Variants in TMTC1 observed in about 807,000 individuals in gnomAD.
TMTC1 encodes the protein transmembrane O-mannosyltransferase targeting cadherins 1, also known as protein O-mannosyl-transferase TMTC1.
Under a neutral mutation model 104.8 loss-of-function variants are expected in TMTC1, and 73 were observed. That is an observed-to-expected ratio of 0.70 (90% CI 0.58 to 0.85). The LOEUF (loss-of-function observed/expected upper bound fraction) is 0.85, where lower values mean the gene tolerates loss of function less well. Ranked by LOEUF, TMTC1 falls within the 40% of genes least tolerant of loss-of-function variation. The pLI, the probability that TMTC1 is intolerant of heterozygous loss-of-function variation, is 0.00. For synonymous variants in TMTC1, 434 were observed against 428.7 expected (o/e 1.01, Z -0.15); for missense variants, 1,035 against 1,096.1 (o/e 0.94, Z 0.79).
chr12:29,599,901 C>T (rs115991562), intron 7 of TMTC1, among the ~76,000 whole-genome samples: 4,268 of 138,382 alleles, frequency 0.031, 372 homozygotes, highest in African/African-American at 0.12. Context: ...TGTATATATA[C>T]ATGTGTATAT....
chr12:29,701,063 C>G (rs1341855294), intron 5 of TMTC1, among the ~76,000 whole-genome samples: 1 of 150,908 alleles, frequency 6.6e-6, no homozygotes, highest in African/African-American at 2.5e-5. Flanking sequence ...TCCCTCTGTC[C>G]TCTCACTGCT....
chr12:29,683,260 G>C (rs1174470485), intron 5 of TMTC1, among the ~76,000 whole-genome samples: 1 of 152,122 alleles, frequency 6.6e-6, no homozygotes. Flanking sequence ...ATTCAATCAC[G>C]AGGTCAAGAG....
At chr12:29,556,771 G>A (rs1185861316) in intron 10 of TMTC1, 86 bp downstream of exon 10, 13 of 1,555,936 alleles carry the variant, frequency 8.4e-6, no homozygotes, top group Admixed American at 1.7e-5. Flanking sequence ...AGAGAGGCAA[G>A]TGCAGCACAA....
chr12:29,750,062 T>TATACAC (rs1555195892), intron 5 of TMTC1, among the ~76,000 whole-genome samples: 1 of 146,536 alleles, frequency 6.8e-6, no homozygotes, highest in Non-Finnish European at 1.5e-5. Flanking sequence ...TAACTGTCTA[T>TATACAC]ACACACACAC....
intron 5 of TMTC1, chr12:29,660,836 A>C (rs1378914051): frequency 6.7e-7 from 1 of 1,496,564 alleles, no homozygotes; most frequent in Middle Eastern, 1.9e-4. Context: ...CTTTTTAAAA[A>C]TGGTCTCATG....
intron 5 of TMTC1, among the ~76,000 whole-genome samples, chr12:29,723,796 G>A (rs114404208): frequency 0.021 from 3,135 of 152,158 alleles, 117 homozygotes; most frequent in African/African-American, 0.069. Flanking sequence ...GACAGTTTTG[G>A]CCCTGTAGAT....
intron 5 of TMTC1, among the ~76,000 whole-genome samples, chr12:29,708,256 G>A (rs1184801196): frequency 6.6e-6 from 1 of 152,208 alleles, no homozygotes; most frequent in Non-Finnish European, 1.5e-5. Flanking sequence ...CTCTGGTACT[G>A]TGCCTGGCAC....
At chr12:29,641,697 CA>C (rs886296708) in intron 5 of TMTC1, among the ~76,000 whole-genome samples, 42 of 152,174 alleles carry the variant, frequency 2.8e-4, no homozygotes, top group Middle Eastern at 6.8e-3. Context: ...AATACCCCCC[CA>C]AAAAAATCAC....
chr12:29,539,629 A>G (rs1944740389), intron 10 of TMTC1, among the ~76,000 whole-genome samples: 1 of 152,220 alleles, frequency 6.6e-6, no homozygotes, highest in Non-Finnish European at 1.5e-5. Flanking sequence ...TGCAGAACCT[A>G]ACAATGACCT....
intron 6 of TMTC1, among the ~76,000 whole-genome samples, chr12:29,611,419 A>ATGTT (rs1356357248): frequency 3.9e-5 from 6 of 152,356 alleles, no homozygotes; most frequent in Admixed American, 2.6e-4. Context: ...GTGTATTAAA[A>ATGTT]TGTTTAAAAA....
intron 13 of TMTC1, among the ~76,000 whole-genome samples, chr12:29,517,816 G>A (rs1944033317): frequency 6.6e-6 from 1 of 152,094 alleles, no homozygotes; most frequent in South Asian, 2.1e-4. Flanking sequence ...CCAGGTTCAA[G>A]TGATTCTCCT....
chr12:29,583,615 G>A lies in TMTC1; in HGVS notation c.1251-41C>T, dbSNP rs370243041. On this transcript the variant is annotated intron_variant, in intron 7 of 17. Transcript: ENST00000539277. ...GAAGGAACGGGATTACTTTGGGGGTGCAATAGCTTCCCCCCAGAATTATCT... is the reference window on the plus strand; with the variant it reads ...GAAGGAACGGGATTACTTTGGGGGTACAATAGCTTCCCCCCAGAATTATCT... 2.6e-5 allele frequency: 41 copies of A among 1,568,076 alleles called. No individual in the cohort carries two copies. The Middle Eastern group carries it at 1.1e-3, about 43-fold the overall frequency.
chr12:29,739,974 G>T (rs1403807447), intron 5 of TMTC1, among the ~76,000 whole-genome samples: 1 of 151,884 alleles, frequency 6.6e-6, no homozygotes, highest in African/African-American at 2.4e-5. Context: ...CCGAAGTGCT[G>T]GGATTACAGG....
intron 5 of TMTC1, 46 bp downstream of exon 5, chr12:29,751,620 G>A (rs770523882): frequency 4.4e-6 from 7 of 1,603,580 alleles, no homozygotes; most frequent in Non-Finnish European, 5.1e-6. Context: ...ACTAGGTGAT[G>A]CTGGACATTG....
intron 5 of TMTC1, among the ~76,000 whole-genome samples, chr12:29,645,583 C>T (rs1221123711): frequency 6.6e-6 from 1 of 152,050 alleles, no homozygotes; most frequent in African/African-American, 2.4e-5. Context: ...AACTTCTTAC[C>T]CATATATCTG....
intron 5 of TMTC1, among the ~76,000 whole-genome samples, chr12:29,689,467 C>T (rs1941199147): frequency 6.6e-6 from 1 of 152,074 alleles, no homozygotes; most frequent in African/African-American, 2.4e-5. Flanking sequence ...GCGTGCGCCA[C>T]CACACCTGGC....
chr12:29,722,829 A>G (rs1343208244), intron 5 of TMTC1, among the ~76,000 whole-genome samples: 1 of 150,958 alleles, frequency 6.6e-6, no homozygotes, highest in Non-Finnish European at 1.5e-5. Context: ...GCTGAAGCAG[A>G]AGAATTACTT....
rs1055103587 is a variant in TMTC1, at chr12:29,501,697, G to C, written c.*5149C>G. 2.0e-5 allele frequency: 3 copies of C among 152,140 alleles called. No homozygotes were observed. The highest frequency in any genetic ancestry group is 7.2e-5 in the African/African-American group (3 of 41,430). The allele number at this position is 152,140 out of a possible 1,614,324, so 9.4% of individuals were successfully genotyped here. A position where few individuals can be genotyped will look rare whatever the true frequency, so the allele number is the denominator to read the frequency against. On this transcript the variant is annotated 3_prime_UTR_variant, in exon 18 of 18. Transcript: ENST00000539277. ...TTTTAGAAATAGACATGTCTCTCCA[G>C]GTAGGAGTCAATGGTGATCTATGCT... is the stretch of plus-strand genomic sequence containing the variant.
Position 29,516,352 on chromosome 12 carries a change from G to A in TMTC1, c.2304C>T (p.Asp768=). The change falls in exon 15 of 18, where the codon GAC becomes GAT. Residue 768 remains aspartate, a synonymous_variant. Transcript: ENST00000539277. ...SAIYSKQENH[D]KALDAIDKAL... The stretch of plus-strand genomic sequence containing the variant: ...TCTAAACAATGTCCTTCTTTACCTT[G>A]TCGTGGTTCTCCTGCTTGCTATAGA... 1.9e-6 allele frequency: 3 copies of A among 1,612,766 alleles called. No homozygotes were observed. The highest frequency in any genetic ancestry group is 2.5e-6 in the Non-Finnish European group (3 of 1,179,256).
Sources: gnomAD v4.1 joint callset for allele counts (sites outside exome capture counted in the v4.1 genomes callset) on GRCh38, gnomAD v4.1.1 for gene constraint, MANE v1.5 for transcripts, NCBI Gene and HGNC (gene_info 2026-07-23, HGNC 2026-07-21) for gene names.